The following MALRD1 variants were observed in gnomAD, a reference collection of about 807,000 sequenced individuals.
MALRD1 encodes the protein MAM and LDL-receptor class A domain-containing protein 1.
MALRD1 carries 247 observed loss-of-function variants against 242.1 expected under a neutral mutation model. The ratio of observed to expected loss-of-function variants is 1.02; its 90% CI spans 0.92 to 1.13. The LOEUF (loss-of-function observed/expected upper bound fraction) is 1.13, where lower values mean the gene tolerates loss of function less well. MALRD1 is among the 50% of genes most tolerant of loss of function. The probability of loss-of-function intolerance (pLI) is 0.00; values close to 1 mark genes in which losing one functional copy is unlikely to be tolerated. For missense variants in MALRD1, 2,989 were observed against 2,533.1 expected, an observed-to-expected ratio of 1.18 and a Z score of -3.86; for synonymous variants, 995 against 866.6, an observed-to-expected ratio of 1.15 and a Z score of -2.60.
At chr10:19,477,516 T>C (rs1017939005) in intron 29 of MALRD1, among the ~76,000 whole-genome samples, 7 of 152,162 alleles carry the variant, frequency 4.6e-5, no homozygotes, top group Non-Finnish European at 8.8e-5. Context: ...TGCTTGGTCA[T>C]GAAGTGGCAT....
chr10:19,275,874 T>A (rs1007935656), intron 19 of MALRD1, among the ~76,000 whole-genome samples: 1 of 152,128 alleles, frequency 6.6e-6, no homozygotes, highest in Admixed American at 6.6e-5. Context: ...TCCATAAATA[T>A]ACATAATATA....
chr10:19,273,451 C>A (rs1187904873), intron 19 of MALRD1, among the ~76,000 whole-genome samples: 2 of 152,118 alleles, frequency 1.3e-5, no homozygotes, highest in Non-Finnish European at 2.9e-5. Context: ...TTTATAGCAG[C>A]TTTATTCACA....
At chr10:19,561,714 A>ATT (rs72513837) in intron 32 of MALRD1, among the ~76,000 whole-genome samples, 27,380 of 149,048 alleles carry the variant, frequency 0.18, 4,834 homozygotes, top group African/African-American at 0.47. Flanking sequence ...GCCTCTCAGC[A>ATT]TTTTTTTTTT....
chr10:19,541,790 T>G (rs993985397), intron 32 of MALRD1, among the ~76,000 whole-genome samples: 1 of 152,110 alleles, frequency 6.6e-6, no homozygotes, highest in Non-Finnish European at 1.5e-5. Context: ...GGTGAATAGG[T>G]CTTGATAGCA....
At chr10:19,226,637 G>A (rs1395759219) in intron 18 of MALRD1, among the ~76,000 whole-genome samples, 1 of 151,662 alleles carries the variant, frequency 6.6e-6, no homozygotes, top group African/African-American at 2.4e-5. Flanking sequence ...AAAGAAAGAA[G>A]GGAGGGAAGG....
At chr10:19,253,784 A>AC (rs1196730960) in intron 18 of MALRD1, among the ~76,000 whole-genome samples, 2 of 151,242 alleles carry the variant, frequency 1.3e-5, no homozygotes, top group African/African-American at 2.4e-5. Flanking sequence ...CTCCTTTTAC[A>AC]CCCCCAGCTC....
At chr10:19,696,777 G>T (rs1294895242) in intron 38 of MALRD1, among the ~76,000 whole-genome samples, 1 of 151,786 alleles carries the variant, frequency 6.6e-6, no homozygotes, top group South Asian at 2.1e-4. Flanking sequence ...TTAGCCTGGT[G>T]TGTTGGCATA....
chr10:19,338,392 T>C (rs531136350), intron 24 of MALRD1, among the ~76,000 whole-genome samples: 88 of 150,436 alleles, frequency 5.8e-4, no homozygotes, highest in Middle Eastern at 3.4e-3. Context: ...TTTTGTCTTT[T>C]CCAGAATATC....
At chr10:19,137,212 G>C (rs1018124856) in intron 10 of MALRD1, among the ~76,000 whole-genome samples, 2 of 151,798 alleles carry the variant, frequency 1.3e-5, no homozygotes, top group African/African-American at 4.8e-5. Context: ...GTAGGAGGAG[G>C]GTGGCCCTTC....
intron 21 of MALRD1, among the ~76,000 whole-genome samples, chr10:19,305,264 C>T (rs894010042): frequency 1.3e-5 from 2 of 151,644 alleles, no homozygotes; most frequent in Non-Finnish European, 3.0e-5. Flanking sequence ...TAATCGCAAT[C>T]TAACATTAAT....
At chr10:19,336,377 A>G (rs1302552636) in intron 24 of MALRD1, among the ~76,000 whole-genome samples, 3 of 152,186 alleles carry the variant, frequency 2.0e-5, no homozygotes, top group Non-Finnish European at 4.4e-5. Context: ...TGTGGTAAGG[A>G]TGCAATAGAG....
At chr10:19,404,140 A>G (rs1227393177) in intron 28 of MALRD1, among the ~76,000 whole-genome samples, 1 of 152,106 alleles carries the variant, frequency 6.6e-6, no homozygotes, top group Non-Finnish European at 1.5e-5. Flanking sequence ...ATACAATGGG[A>G]GCATATAAGT....
chr10:19,089,579 C>T lies in MALRD1; in HGVS notation c.597+1394C>T, dbSNP rs1835812288. On this transcript the variant is annotated intron_variant, in intron 4 of 39. Transcript: ENST00000454679. Reference sequence around the variant, plus strand: ...GGTAGTTTCTTTTGCTGTGCAGAAGCTCTTTAGTTGAATTAGATCCCATTT... The same window carrying T: ...GGTAGTTTCTTTTGCTGTGCAGAAGTTCTTTAGTTGAATTAGATCCCATTT... 8.0e-5 allele frequency among the ~76,000 whole-genome samples: 2 copies of T among 24,934 alleles called. 1 individual carries two copies. The highest frequency in any genetic ancestry group is 1.3e-4 in the Non-Finnish European group (2 of 14,860). 16.4% of individuals were successfully genotyped at this position (24,934 alleles called of 152,430 possible).
intron 18 of MALRD1, among the ~76,000 whole-genome samples, chr10:19,234,644 G>T (rs571658365): frequency 6.0e-5 from 9 of 149,608 alleles, no homozygotes; most frequent in African/African-American, 2.2e-4. Context: ...AAAAAAAAGC[G>T]CTAATTCATG....
At chr10:19,525,845 A>C (rs1295344774) in intron 31 of MALRD1, among the ~76,000 whole-genome samples, 11 of 152,320 alleles carry the variant, frequency 7.2e-5, no homozygotes, top group Non-Finnish European at 8.8e-5. Flanking sequence ...AATTGAATGC[A>C]TTCTGATCTG....
In MALRD1 at chr10:19,522,755, T is replaced by G. The variant is rs141384202; in HGVS notation, c.5321-8439T>G. ...ATGAGACATAGTAGGGATTAAGAAA[T>G]TTTCCCAAAGTCACAAAGCTTATAA... On this transcript the variant is annotated intron_variant, in intron 31 of 39. Coordinates refer to ENST00000454679, the MANE Select transcript of MALRD1 (RefSeq NM_001142308.3). 2.4e-3 allele frequency among the ~76,000 whole-genome samples: 366 copies of G among 152,282 alleles called. 7 individuals are homozygous for G. The East Asian group carries it at 0.05, about 21-fold the overall frequency.
chr10:19,079,919 A>AAG (rs1479593955), intron 2 of MALRD1, among the ~76,000 whole-genome samples: 1 of 151,874 alleles, frequency 6.6e-6, no homozygotes, highest in Non-Finnish European at 1.5e-5. Context: ...AACTTCAGCA[A>AAG]TCTCAGGATG....
chr10:19,394,507 A>G (rs1446688438), intron 28 of MALRD1, among the ~76,000 whole-genome samples: 2 of 152,174 alleles, frequency 1.3e-5, no homozygotes, highest in Admixed American at 1.3e-4. Context: ...ATTACGTAAA[A>G]GACTGTGGTC....
chr10:19,465,119 T>C (rs1836155245), intron 29 of MALRD1, among the ~76,000 whole-genome samples: 1 of 152,162 alleles, frequency 6.6e-6, no homozygotes, highest in Non-Finnish European at 1.5e-5. Context: ...GAGGAGTCTT[T>C]AGGGTTCTCT....
Sources: gnomAD v4.1 joint callset for allele counts (sites outside exome capture counted in the v4.1 genomes callset) on GRCh38, gnomAD v4.1.1 for gene constraint, MANE v1.5 for transcripts, NCBI Gene and HGNC (gene_info 2026-07-23, HGNC 2026-07-21) for gene names.